C1QTNF3: variants seen among roughly 807,000 people sequenced by gnomAD.
The protein encoded by C1QTNF3 is complement C1q tumor necrosis factor-related protein 3.
In C1QTNF3, 26 loss-of-function variants were observed where a neutral mutation model predicts 32.6. The observed-to-expected ratio is 0.80, with a 90% confidence interval of 0.58 to 1.11. The LOEUF (loss-of-function observed/expected upper bound fraction) is 1.11. Ranked by LOEUF, C1QTNF3 falls within the 50% of genes least tolerant of loss-of-function variation. C1QTNF3 has a pLI of 0.00. For missense variants in C1QTNF3, 362 were observed against 398.2 expected, an observed-to-expected ratio of 0.91 and a Z score of 0.77; for synonymous variants, 155 against 146.0, an observed-to-expected ratio of 1.06 and a Z score of -0.44.
chr5:34,157,999 C>T, the C1QTNF3 span: 3 of 152,026 alleles, frequency 2.0e-5, no homozygotes, highest in African/African-American at 7.2e-5. Flanking sequence ...TGTGAATGGA[C>T]CTTACCACCA....
chr5:34,043,367 C>T, upstream of C1QTNF3: 1 of 518,370 alleles, frequency 1.9e-6, no homozygotes, highest in Non-Finnish European at 3.4e-6. Flanking sequence ...GTGCACAGTT[C>T]CCAGTTGGCG....
At chr5:34,121,748 A>G in the C1QTNF3 span, among the ~76,000 whole-genome samples, 1 of 152,156 alleles carries the variant, frequency 6.6e-6, no homozygotes, top group African/African-American at 2.4e-5. Context: ...CAAAATTCAC[A>G]TGTTGAAACT....
At chr5:34,124,611 C>G in the C1QTNF3 span, 1 of 526,920 alleles carries the variant, frequency 1.9e-6, no homozygotes, top group Admixed American at 3.5e-5. Flanking sequence ...GGGATCCACC[C>G]CCATGATCCA....
At chr5:34,196,821 G>A in the C1QTNF3 span, among the ~76,000 whole-genome samples, 5 of 151,352 alleles carry the variant, frequency 3.3e-5, no homozygotes, top group East Asian at 1.9e-4. Context: ...CACCACGCCC[G>A]GCTAATTTTT....
the C1QTNF3 span, among the ~76,000 whole-genome samples, chr5:34,050,459 A>AT: frequency 6.6e-6 from 1 of 151,920 alleles, no homozygotes; most frequent in Non-Finnish European, 1.5e-5. Flanking sequence ...GTTTGTTGTT[A>AT]TTTTTTTTCT....
chr5:34,238,749 C>T, the C1QTNF3 span, among the ~76,000 whole-genome samples: 1 of 151,744 alleles, frequency 6.6e-6, no homozygotes, highest in Non-Finnish European at 1.5e-5. Flanking sequence ...TTCCTAACCT[C>T]GCTAGAGAGA....
At chr5:34,228,979 G>A in the C1QTNF3 span, among the ~76,000 whole-genome samples, 15 of 150,828 alleles carry the variant, frequency 9.9e-5, no homozygotes, top group East Asian at 5.8e-4. Context: ...TTTTAACATC[G>A]ATTCCTAAAT....
chr5:34,234,734 T>A, the C1QTNF3 span, among the ~76,000 whole-genome samples: 1 of 152,156 alleles, frequency 6.6e-6, no homozygotes, highest in Non-Finnish European at 1.5e-5. Flanking sequence ...AACTTTAAGG[T>A]CCATTGTCCC....
chr5:34,029,038 A>G (rs1754546752), intron 3 of C1QTNF3, 155 bp from the exon 4 acceptor site: 1 of 545,434 alleles, frequency 1.8e-6, no homozygotes, highest in African/African-American at 1.9e-5. Context: ...GGTAATTCCA[A>G]CATTTGAATG....
chr5:34,082,113 T>G, the C1QTNF3 span, among the ~76,000 whole-genome samples: 57 of 151,852 alleles, frequency 3.8e-4, 1 homozygote, highest in African/African-American at 1.3e-3. Context: ...TCAATTTTAA[T>G]TTTTGTCTTT....
the C1QTNF3 span, among the ~76,000 whole-genome samples, chr5:34,203,325 G>T: frequency 6.6e-6 from 1 of 152,128 alleles, no homozygotes; most frequent in Admixed American, 6.5e-5. Flanking sequence ...ATGGCAGAAA[G>T]AAAACCTCAT....
At chr5:34,060,064 A>G in the C1QTNF3 span, among the ~76,000 whole-genome samples, 1 of 152,188 alleles carries the variant, frequency 6.6e-6, no homozygotes, top group Admixed American at 6.5e-5. Context: ...TAAAGACACA[A>G]TCAGTGCACA....
At chr5:34,030,769 C>T (rs1286687191) in intron 3 of C1QTNF3, among the ~76,000 whole-genome samples, 1 of 152,168 alleles carries the variant, frequency 6.6e-6, no homozygotes, top group Non-Finnish European at 1.5e-5. Flanking sequence ...AGAATGACAT[C>T]ATGTCCCTTG....
At chr5:34,035,816 T>C in intron 1 of C1QTNF3, 58 bp from the exon 2 acceptor site, 2 of 1,344,042 alleles carry the variant, frequency 1.5e-6, no homozygotes, top group Non-Finnish European at 2.1e-6. Flanking sequence ...AATTAGGATT[T>C]TTAAATTTCC....
At chr5:34,214,600 G>A in the C1QTNF3 span, among the ~76,000 whole-genome samples, 1 of 151,894 alleles carries the variant, frequency 6.6e-6, no homozygotes, top group East Asian at 1.9e-4. Flanking sequence ...TACAAAATGT[G>A]GCATACAGTA....
the C1QTNF3 span, among the ~76,000 whole-genome samples, chr5:34,065,732 C>T: frequency 6.6e-6 from 1 of 151,988 alleles, no homozygotes; most frequent in African/African-American, 2.4e-5. Context: ...CACTTATACA[C>T]CGTCGTTGGG....
At chr5:34,205,629 T>G in the C1QTNF3 span, among the ~76,000 whole-genome samples, 1 of 152,136 alleles carries the variant, frequency 6.6e-6, no homozygotes, top group East Asian at 1.9e-4. Flanking sequence ...CTGTACAGCC[T>G]GTGGAACTGT....
the C1QTNF3 span, among the ~76,000 whole-genome samples, chr5:34,178,408 G>C: frequency 2.6e-5 from 4 of 152,178 alleles, no homozygotes; most frequent in African/African-American, 4.8e-5. Flanking sequence ...AAATTTAAGG[G>C]TGCAAACAGA....
chr5:34,125,399 A>C, the C1QTNF3 span, among the ~76,000 whole-genome samples: 6 of 152,206 alleles, frequency 3.9e-5, no homozygotes, highest in African/African-American at 1.4e-4. Context: ...TATACATTTT[A>C]TAAAACTAAG....
Sources: gnomAD v4.1 joint callset for allele counts (sites outside exome capture counted in the v4.1 genomes callset) on GRCh38, gnomAD v4.1.1 for gene constraint, MANE v1.5 for transcripts, NCBI Gene and HGNC (gene_info 2026-07-23, HGNC 2026-07-21) for gene names.